The following SH3RF3 variants were observed in gnomAD, a reference collection of about 807,000 sequenced individuals.
SH3RF3 encodes SH3 domain containing ring finger 3, also known as E3 ubiquitin-protein ligase SH3RF3.
In SH3RF3, 29 loss-of-function variants were observed where a neutral mutation model predicts 66.3. The observed-to-expected ratio is 0.44, with a 90% CI of 0.33 to 0.60. The LOEUF is 0.60. Ranked by LOEUF, SH3RF3 falls within the 20% of genes least tolerant of loss-of-function variation. SH3RF3 has a pLI of 0.04. For missense variants in SH3RF3, 1,194 were observed against 1,190.9 expected (o/e 1.00, Z -0.04); for synonymous variants, 583 against 532.0 (o/e 1.10, Z -1.32).
At chr2:109,368,161 C>T (rs896998142) in intron 2 of SH3RF3, among the ~76,000 whole-genome samples, 1 of 152,160 alleles carries the variant, frequency 6.6e-6, no homozygotes, top group African/African-American at 2.4e-5. Flanking sequence ...GTCTGCCTTT[C>T]CACTGTTTTT....
chr2:109,151,461 A>G (rs1206843112), intron 1 of SH3RF3, among the ~76,000 whole-genome samples: 1 of 152,256 alleles, frequency 6.6e-6, no homozygotes, highest in East Asian at 1.9e-4. Context: ...TTTGAGCCAC[A>G]TATTTAATTT....
chr2:109,256,090 T>G (rs1680215460), intron 1 of SH3RF3, among the ~76,000 whole-genome samples: 1 of 152,204 alleles, frequency 6.6e-6, no homozygotes. Flanking sequence ...ATACTTGGCA[T>G]TCCCATGAGC....
At chr2:109,155,362 G>A (rs79439047) in intron 1 of SH3RF3, among the ~76,000 whole-genome samples, 21,415 of 152,096 alleles carry the variant, frequency 0.14, 1,634 homozygotes, top group Middle Eastern at 0.21. Flanking sequence ...ATGCAGTGGT[G>A]GGATCTTGGC....
At chr2:109,243,036 T>C (rs1235262005) in intron 1 of SH3RF3, among the ~76,000 whole-genome samples, 1 of 152,092 alleles carries the variant, frequency 6.6e-6, no homozygotes, top group Non-Finnish European at 1.5e-5. Context: ...GAATTTAGAG[T>C]GTCGTGATTT....
At chr2:109,475,269 G>A (rs991937856) in intron 8 of SH3RF3, among the ~76,000 whole-genome samples, 3 of 152,194 alleles carry the variant, frequency 2.0e-5, no homozygotes, top group Admixed American at 6.5e-5. Flanking sequence ...GAGCCACCAC[G>A]CCCGGCTTCA....
chr2:109,334,487 G>A (rs1031165927), intron 1 of SH3RF3, among the ~76,000 whole-genome samples: 24 of 152,114 alleles, frequency 1.6e-4, no homozygotes, highest in African/African-American at 5.5e-4. Context: ...GACTTTCCTC[G>A]CAATAAGGGC....
intron 4 of SH3RF3, among the ~76,000 whole-genome samples, chr2:109,410,605 TTGCTGGAGTTGTTC>T (rs1350727643): frequency 1.3e-5 from 2 of 152,196 alleles, no homozygotes; most frequent in African/African-American, 4.8e-5. Context: ...GAGGGAGGGA[TTGCTGGAGTTGTTC>T]TGTAGGGTCA....
chr2:109,398,524 G>A (rs1056107996), intron 3 of SH3RF3, 66 bp from the exon 4 acceptor site: 9 of 1,376,314 alleles, frequency 6.5e-6, no homozygotes, highest in Non-Finnish European at 8.8e-6. Context: ...CCTGGAGAGT[G>A]CAGAGGGCTG....
chr2:109,386,406 AC>A (rs774805990), intron 3 of SH3RF3, among the ~76,000 whole-genome samples: 9 of 152,126 alleles, frequency 5.9e-5, no homozygotes, highest in Non-Finnish European at 1.0e-4. Context: ...TATGACTGTT[AC>A]AAGAAGTTTA....
chr2:109,135,099 T>G (rs1220202788), intron 1 of SH3RF3, among the ~76,000 whole-genome samples: 1 of 152,218 alleles, frequency 6.6e-6, no homozygotes, highest in Admixed American at 6.5e-5. Context: ...TGGCTTCAGG[T>G]GTCACAGTCC....
rs1267016866 is a variant in SH3RF3 at position 109,347,904 on chromosome 2, G to A, written c.804G>A (p.Glu268=). ...AGGGAAAAGCACTTTATGATTTCGA[G>A]ATGAAGGACAAAGACCAAGACAAGG... ...PPQGKALYDF[E]MKDKDQDKDC... is the part of the protein sequence containing the mutation. Residue 268 remains glutamate (E), a synonymous_variant, in exon 2 of 10, where the codon GAG becomes GAA. Coordinates refer to ENST00000309415, the MANE Select transcript of SH3RF3 (RefSeq NM_001099289.3). The A allele has an allele frequency of 6.2e-7, 1 of 1,610,896 alleles. No individual in the cohort carries two copies. The highest frequency in any genetic ancestry group is 2.2e-5 in the East Asian group (1 of 44,738).
intron 1 of SH3RF3, among the ~76,000 whole-genome samples, chr2:109,198,897 A>G (rs572451368): frequency 4.6e-5 from 7 of 152,204 alleles, no homozygotes; most frequent in Non-Finnish European, 8.8e-5. Flanking sequence ...CATAGTGGCA[A>G]ATGTTTGCGT....
intron 1 of SH3RF3, among the ~76,000 whole-genome samples, chr2:109,314,456 G>T (rs1429198902): frequency 6.6e-6 from 1 of 152,148 alleles, no homozygotes; most frequent in Non-Finnish European, 1.5e-5. Flanking sequence ...AGATTGCCCT[G>T]GGGAAAGCAG....
intron 1 of SH3RF3, among the ~76,000 whole-genome samples, chr2:109,257,251 G>T (rs1231404290): frequency 6.6e-6 from 1 of 152,128 alleles, no homozygotes; most frequent in East Asian, 1.9e-4. Flanking sequence ...CATGTTGTTC[G>T]TTCTGTGGCC....
intron 1 of SH3RF3, among the ~76,000 whole-genome samples, chr2:109,136,257 G>T (rs1313374442): frequency 6.6e-6 from 1 of 152,078 alleles, no homozygotes; most frequent in Non-Finnish European, 1.5e-5. Flanking sequence ...GCAAGCATTT[G>T]CTGGGGGAAA....
At chr2:109,487,641 ACT>A (rs1679017978) in intron 8 of SH3RF3, among the ~76,000 whole-genome samples, 1 of 151,966 alleles carries the variant, frequency 6.6e-6, no homozygotes, top group African/African-American at 2.4e-5. Context: ...GACTGCATAT[ACT>A]CTCAGCAGCT....
At chr2:109,174,028 A>G (rs1677862164) in intron 1 of SH3RF3, among the ~76,000 whole-genome samples, 2 of 152,158 alleles carry the variant, frequency 1.3e-5, no homozygotes, top group Admixed American at 1.3e-4. Flanking sequence ...TGATTCAGAG[A>G]ACACACAGCA....
intron 5 of SH3RF3, among the ~76,000 whole-genome samples, chr2:109,426,081 A>T (rs528061874): frequency 1.3e-5 from 2 of 152,036 alleles, no homozygotes; most frequent in Non-Finnish European, 2.9e-5. Flanking sequence ...TATATTGTAT[A>T]TTTTTTTAGT....
At chr2:109,458,572 CAGAGAGAG>C (rs70958708) in intron 8 of SH3RF3, among the ~76,000 whole-genome samples, 6 of 123,044 alleles carry the variant, frequency 4.9e-5, no homozygotes, top group South Asian at 2.7e-4. Context: ...CAGCAGGAGA[CAGAGAGAG>C]AGAGAGAGAG....
Sources: gnomAD v4.1 joint callset for allele counts (sites outside exome capture counted in the v4.1 genomes callset) on GRCh38, gnomAD v4.1.1 for gene constraint, MANE v1.5 for transcripts, NCBI Gene and HGNC (gene_info 2026-07-23, HGNC 2026-07-21) for gene names.